The following TMEFF2 variants were observed in gnomAD, a reference collection of about 807,000 sequenced individuals.
TMEFF2 encodes tomoregulin-2.
Under a neutral mutation model 53.8 loss-of-function variants are expected in TMEFF2, and 28 were observed. The ratio of observed to expected loss-of-function variants is 0.52; its 90% CI spans 0.39 to 0.71. The LOEUF is 0.71. Ranked by LOEUF, TMEFF2 falls within the 30% of genes least tolerant of loss-of-function variation. The pLI is 0.00. For synonymous variants in TMEFF2, 162 were observed against 166.3 expected (o/e 0.97, Z 0.20); for missense variants, 353 against 455.2 (o/e 0.78, Z 2.04).
chr2:192,128,845 C>T (rs1207685058), intron 4 of TMEFF2, among the ~76,000 whole-genome samples: 2 of 152,184 alleles, frequency 1.3e-5, no homozygotes, highest in Non-Finnish European at 2.9e-5. Flanking sequence ...GAGGCTGTTG[C>T]TCACAGAAAA....
At chr2:191,974,675 AT>A (rs1178340005) in intron 7 of TMEFF2, among the ~76,000 whole-genome samples, 2 of 151,628 alleles carry the variant, frequency 1.3e-5, no homozygotes, top group Non-Finnish European at 2.9e-5. Context: ...ATGTTTCTTT[AT>A]TTTTTTTAAT....
At chr2:192,141,507 G>A (rs1475426134) in intron 4 of TMEFF2, among the ~76,000 whole-genome samples, 2 of 149,960 alleles carry the variant, frequency 1.3e-5, no homozygotes, top group Non-Finnish European at 3.0e-5. Context: ...CATAGAGCTA[G>A]GTCTCAAACA....
intron 4 of TMEFF2, among the ~76,000 whole-genome samples, chr2:192,132,630 G>T (rs192860733): frequency 5.9e-5 from 9 of 152,152 alleles, no homozygotes; most frequent in African/African-American, 2.2e-4. Flanking sequence ...CAGCACACAA[G>T]AACTTCCAAA....
At chr2:192,000,214 G>GT (rs1276496089) in intron 5 of TMEFF2, among the ~76,000 whole-genome samples, 2 of 152,012 alleles carry the variant, frequency 1.3e-5, no homozygotes, top group East Asian at 3.9e-4. Context: ...TATTTATGTT[G>GT]TTTTTGTAAA....
intron 3 of TMEFF2, 82 bp from the exon 4 acceptor site, chr2:192,179,776 G>T: frequency 8.2e-7 from 1 of 1,216,048 alleles, no homozygotes; most frequent in Non-Finnish European, 1.1e-6. Flanking sequence ...TATTTTCTTA[G>T]TTTAATACTG....
chr2:192,134,569 A>C (rs1186872573), intron 4 of TMEFF2, among the ~76,000 whole-genome samples: 2 of 150,550 alleles, frequency 1.3e-5, no homozygotes, highest in East Asian at 2.0e-4. Context: ...CTATTCTACT[A>C]CTCCTCAAGG....
rs1339707790 is a variant in TMEFF2 at position 192,011,647 on chromosome 2, T to C, written c.537-12439A>G. Reference sequence around the variant, plus strand: ...GTTTTGAATTACTTCTAAGAGGAAATATCATTTTTATGAAACCAACAAGCT... The same window carrying C: ...GTTTTGAATTACTTCTAAGAGGAAACATCATTTTTATGAAACCAACAAGCT... On this transcript the variant is annotated intron_variant, in intron 5 of 9. Coordinates refer to ENST00000272771, the MANE Select transcript of TMEFF2 (RefSeq NM_016192.4). Among the ~76,000 whole-genome samples, 4 of 152,288 alleles carry C rather than the reference T, an allele frequency of 2.6e-5. No homozygotes were observed. The East Asian group carries it at 7.7e-4, about 29-fold the overall frequency.
At chr2:192,046,973 T>G (rs1196933031) in intron 5 of TMEFF2, among the ~76,000 whole-genome samples, 1 of 151,894 alleles carries the variant, frequency 6.6e-6, no homozygotes, top group Non-Finnish European at 1.5e-5. Context: ...CAGGCTGGAG[T>G]GCAGTGGCGT....
intron 7 of TMEFF2, among the ~76,000 whole-genome samples, chr2:191,964,398 C>CTTTCTTTCTCTTTCTT (rs200251020): frequency 1.9e-5 from 1 of 51,750 alleles, no homozygotes; most frequent in Admixed American, 2.5e-4. Flanking sequence ...TTCTTTCTTT[C>CTTTCTTTCTCTTTCTT]TCTTTCTTTC....
chr2:192,135,701 A>C (rs1002991206), intron 4 of TMEFF2, among the ~76,000 whole-genome samples: 12 of 152,120 alleles, frequency 7.9e-5, no homozygotes, highest in African/African-American at 2.9e-4. Context: ...AGCCCAAGCC[A>C]AGCCATCGCA....
intron 4 of TMEFF2, among the ~76,000 whole-genome samples, chr2:192,098,953 G>GT (rs2105942437): frequency 1.3e-5 from 2 of 152,210 alleles, no homozygotes; most frequent in African/African-American, 4.8e-5. Flanking sequence ...AATGGCGTTG[G>GT]TTTTTTAAAA....
At chr2:192,072,740 G>A (rs942184808) in intron 4 of TMEFF2, among the ~76,000 whole-genome samples, 1 of 151,864 alleles carries the variant, frequency 6.6e-6, no homozygotes, top group Admixed American at 6.6e-5. Flanking sequence ...CCATTCTTAC[G>A]GGATTATATG....
chr2:191,960,483 C>T (rs1222653750), intron 7 of TMEFF2, among the ~76,000 whole-genome samples: 2 of 152,166 alleles, frequency 1.3e-5, no homozygotes, highest in African/African-American at 2.4e-5. Flanking sequence ...ATGTCATCTT[C>T]ATCCCACTCA....
intron 5 of TMEFF2, among the ~76,000 whole-genome samples, chr2:192,046,694 C>G (rs995707226): frequency 6.6e-6 from 1 of 152,096 alleles, no homozygotes; most frequent in African/African-American, 2.4e-5. Flanking sequence ...TTTCTTCCCC[C>G]CAAGTCTGAC....
intron 4 of TMEFF2, among the ~76,000 whole-genome samples, chr2:192,144,915 T>C (rs771678007): frequency 5.3e-5 from 8 of 151,964 alleles, no homozygotes; most frequent in Non-Finnish European, 8.8e-5. Flanking sequence ...TAATGTAAGA[T>C]TTGGGAGTTT....
rs936142738 is a variant in TMEFF2 at position 191,964,091 on chromosome 2, G to A, written c.746-7713C>T. Among the ~76,000 whole-genome samples the A allele has an allele frequency of 2.0e-5, 3 of 151,968 alleles. No homozygotes were observed. The South Asian group carries it at 6.2e-4, about 32-fold the overall frequency. On this transcript the variant is annotated intron_variant, in intron 7 of 9. Coordinates refer to ENST00000272771, the MANE Select transcript of TMEFF2 (RefSeq NM_016192.4). ...TAGTTAGGAACTTATAAAAATACACGACAACATCTGGCCTTCATATCTTAT... is the reference window on the plus strand; with the variant it reads ...TAGTTAGGAACTTATAAAAATACACAACAACATCTGGCCTTCATATCTTAT...
chr2:192,106,406 TTTC>T (rs1313717648), intron 4 of TMEFF2, among the ~76,000 whole-genome samples: 7 of 151,816 alleles, frequency 4.6e-5, no homozygotes, highest in Non-Finnish European at 7.4e-5. Flanking sequence ...GATGTTTTTG[TTTC>T]TTATTATAGA....
intron 4 of TMEFF2, among the ~76,000 whole-genome samples, chr2:192,127,751 G>A (rs1689711867): frequency 6.6e-6 from 1 of 152,186 alleles, no homozygotes; most frequent in African/African-American, 2.4e-5. Context: ...AGTTCAATAA[G>A]TCGTGACAAT....
chr2:192,123,257 C>T (rs1309333237), intron 4 of TMEFF2, among the ~76,000 whole-genome samples: 2 of 152,126 alleles, frequency 1.3e-5, no homozygotes, highest in Admixed American at 6.6e-5. Context: ...CTGTTTTTCA[C>T]ATTTAGTTAT....
Sources: allele counts gnomAD v4.1 joint callset (sites outside exome capture counted in the v4.1 genomes callset), GRCh38; gene constraint gnomAD v4.1.1; transcripts MANE v1.5; gene names NCBI Gene and HGNC (gene_info 2026-07-23, HGNC 2026-07-21).